Variants in NXPH1 observed in about 807,000 individuals in gnomAD.
NXPH1 encodes neurexophilin-1.
Under a neutral mutation model 23.7 loss-of-function variants are expected in NXPH1, and 5 were observed. That is an observed-to-expected ratio of 0.21 (90% confidence interval 0.11 to 0.44). The LOEUF (loss-of-function observed/expected upper bound fraction) is 0.44. NXPH1 is among the 20% of genes least tolerant of loss of function. The pLI is 0.99. For missense variants in NXPH1, 324 were observed against 321.6 expected (o/e 1.01, Z -0.06); for synonymous variants, 144 against 122.2 (o/e 1.18, Z -1.18).
chr7:8,532,485 G>A (rs1817963418), intron 2 of NXPH1, among the ~76,000 whole-genome samples: 1 of 136,044 alleles, frequency 7.4e-6, no homozygotes, highest in African/African-American at 2.7e-5. Flanking sequence ...GGGGGAGGGG[G>A]CTGCTTTTTA....
intron 2 of NXPH1, among the ~76,000 whole-genome samples, chr7:8,452,420 T>G (rs139397072): frequency 1.8e-4 from 27 of 152,328 alleles, no homozygotes; most frequent in African/African-American, 6.3e-4. Context: ...TTATATCCAC[T>G]GAAGGCATTT....
chr7:8,709,378 G>A (rs532825839), intron 2 of NXPH1, among the ~76,000 whole-genome samples: 1 of 152,072 alleles, frequency 6.6e-6, no homozygotes, highest in African/African-American at 2.4e-5. Flanking sequence ...GGTGGGATGA[G>A]TATAAAGAAA....
At chr7:8,520,955 T>A (rs1376991100) in intron 2 of NXPH1, among the ~76,000 whole-genome samples, 1 of 152,192 alleles carries the variant, frequency 6.6e-6, no homozygotes, top group Non-Finnish European at 1.5e-5. Flanking sequence ...AATTCTGACA[T>A]CCCTGCCAAA....
intron 2 of NXPH1, among the ~76,000 whole-genome samples, chr7:8,456,440 G>A: frequency 6.6e-6 from 1 of 152,142 alleles, no homozygotes; most frequent in Non-Finnish European, 1.5e-5. Context: ...CAGAGGTTGT[G>A]GGACCTTGAG....
intron 2 of NXPH1, among the ~76,000 whole-genome samples, chr7:8,691,385 G>A (rs1198830493): frequency 2.0e-5 from 3 of 152,074 alleles, no homozygotes; most frequent in Non-Finnish European, 4.4e-5. Context: ...CCGACCTCAG[G>A]TGACCCGCTC....
intron 2 of NXPH1, among the ~76,000 whole-genome samples, chr7:8,579,786 C>T (rs1818831143): frequency 6.6e-6 from 1 of 152,192 alleles, no homozygotes; most frequent in Non-Finnish European, 1.5e-5. Flanking sequence ...GGCAGTGTTG[C>T]AGAGCATAGA....
chr7:8,690,598 A>C (rs1821207609), intron 2 of NXPH1, among the ~76,000 whole-genome samples: 1 of 152,222 alleles, frequency 6.6e-6, no homozygotes, highest in African/African-American at 2.4e-5. Context: ...AAGACCAAAA[A>C]TATTTTATTT....
chr7:8,480,005 G>T (rs913064972), intron 2 of NXPH1, among the ~76,000 whole-genome samples: 1 of 152,066 alleles, frequency 6.6e-6, no homozygotes, highest in Admixed American at 6.6e-5. Flanking sequence ...TAAAATTAGA[G>T]ATGTCTAGAA....
chr7:8,445,775 A>G (rs1343401160), intron 2 of NXPH1, among the ~76,000 whole-genome samples: 1 of 152,256 alleles, frequency 6.6e-6, no homozygotes, highest in Non-Finnish European at 1.5e-5. Context: ...TTTTGTTTTC[A>G]TATAAGTTGT....
At chr7:8,562,691 A>T (rs1263779136) in intron 2 of NXPH1, among the ~76,000 whole-genome samples, 1 of 151,720 alleles carries the variant, frequency 6.6e-6, no homozygotes, top group Non-Finnish European at 1.5e-5. Context: ...ATCCTAATGG[A>T]TATTGTCTTA....
intron 2 of NXPH1, among the ~76,000 whole-genome samples, chr7:8,503,173 A>C (rs79431138): frequency 0.18 from 27,882 of 152,050 alleles, 2,588 homozygotes; most frequent in Middle Eastern, 0.25. Flanking sequence ...TCAAAATCAA[A>C]ACATTGATAA....
intron 2 of NXPH1, among the ~76,000 whole-genome samples, chr7:8,610,408 T>C (rs1819591564): frequency 6.6e-6 from 1 of 152,200 alleles, no homozygotes; most frequent in Non-Finnish European, 1.5e-5. Context: ...TTCCTCATGA[T>C]TCTATCACAG....
chr7:8,619,465 A>T (rs75072262), intron 2 of NXPH1, among the ~76,000 whole-genome samples: 4 of 152,152 alleles, frequency 2.6e-5, no homozygotes, highest in African/African-American at 4.8e-5. Flanking sequence ...ATGATGTTCA[A>T]TGCTCTTTCA....
chr7:8,561,652 T>G (rs1818448327), intron 2 of NXPH1, among the ~76,000 whole-genome samples: 1 of 151,596 alleles, frequency 6.6e-6, no homozygotes, highest in African/African-American at 2.4e-5. Context: ...TCTGCTAGAC[T>G]AGTCCCTAAC....
intron 2 of NXPH1, among the ~76,000 whole-genome samples, chr7:8,660,654 TCATAATAACAA>T (rs1820656568): frequency 6.6e-6 from 1 of 152,192 alleles, no homozygotes; most frequent in African/African-American, 2.4e-5. Context: ...AAATCCTTTG[TCATAATAACAA>T]CTGCAGGCTT....
intron 2 of NXPH1, among the ~76,000 whole-genome samples, chr7:8,638,572 T>G (rs145051209): frequency 6.6e-6 from 1 of 152,214 alleles, no homozygotes; most frequent in Admixed American, 6.6e-5. Flanking sequence ...GGATTGATTG[T>G]TGTATTTTTC....
chr7:8,720,019 CT>C (rs1479460362), intron 2 of NXPH1, among the ~76,000 whole-genome samples: 1 of 152,070 alleles, frequency 6.6e-6, no homozygotes, highest in Non-Finnish European at 1.5e-5. Context: ...GCTGAATATC[CT>C]TGAGTGTCTG....
intron 2 of NXPH1, among the ~76,000 whole-genome samples, chr7:8,611,277 C>G (rs1315599860): frequency 2.0e-5 from 3 of 152,096 alleles, no homozygotes; most frequent in Non-Finnish European, 2.9e-5. Context: ...CCCTTACCCC[C>G]AAGTTTCTCT....
intron 2 of NXPH1, among the ~76,000 whole-genome samples, chr7:8,634,752 A>G (rs1820193185): frequency 6.8e-6 from 1 of 147,386 alleles, no homozygotes; most frequent in Non-Finnish European, 1.5e-5. Context: ...ATGGCCCAGG[A>G]AATGATAGGG....
Sources: allele counts gnomAD v4.1 joint callset (sites outside exome capture counted in the v4.1 genomes callset), GRCh38; gene constraint gnomAD v4.1.1; transcripts MANE v1.5; gene names NCBI Gene and HGNC (gene_info 2026-07-23, HGNC 2026-07-21).